The following SDK1 variants were observed in gnomAD, a reference collection of about 807,000 sequenced individuals.
SDK1 encodes the protein sidekick cell adhesion molecule 1.
Under a neutral mutation model 245.5 loss-of-function variants are expected in SDK1, and 157 were observed. The ratio of observed to expected loss-of-function variants is 0.64; its 90% CI spans 0.56 to 0.73. The LOEUF (loss-of-function observed/expected upper bound fraction) is 0.73. Among genes scored for constraint, SDK1 ranks in the 30% least tolerant of loss-of-function variants. The pLI, the probability that SDK1 is intolerant of heterozygous loss-of-function variation, is 0.00. For synonymous variants in SDK1, 1,647 were observed against 1,278.5 expected (o/e 1.29, Z -6.15); for missense variants, 3,583 against 3,002.3 (o/e 1.19, Z -4.52).
At chr7:4,245,901 T>C in intron 44 of SDK1, 96 bp downstream of exon 44, 1 of 1,444,910 alleles carries the variant, frequency 6.9e-7, no homozygotes, top group Non-Finnish European at 9.6e-7. Flanking sequence ...TATTTGAGTC[T>C]CATAACATCC....
At chr7:3,764,730 T>A (rs1002481051) in intron 4 of SDK1, among the ~76,000 whole-genome samples, 1 of 151,746 alleles carries the variant, frequency 6.6e-6, no homozygotes, top group African/African-American at 2.4e-5. Flanking sequence ...ACATACAATT[T>A]AAAAAAAATC....
chr7:3,820,864 T>A (rs1779626902), intron 4 of SDK1, among the ~76,000 whole-genome samples: 1 of 152,212 alleles, frequency 6.6e-6, no homozygotes, highest in Non-Finnish European at 1.5e-5. Context: ...TCCTTTGCAC[T>A]TCTAAGACAT....
chr7:4,075,241 C>T (rs1049770745), intron 20 of SDK1, among the ~76,000 whole-genome samples: 5 of 152,264 alleles, frequency 3.3e-5, no homozygotes, highest in South Asian at 4.1e-4. Flanking sequence ...CCACTGCGTC[C>T]GCCCACACGG....
At chr7:4,139,581 G>A (rs370774981) in intron 28 of SDK1, among the ~76,000 whole-genome samples, 2,024 of 23,558 alleles carry the variant, frequency 0.086, 685 homozygotes, top group African/African-American at 0.25. Context: ...ATGTGTGTGT[G>A]TATGTGTGTG....
In SDK1 at chr7:4,125,191, A is replaced by G. The variant is rs199990835; in HGVS notation, c.3824-2190A>G. Among the ~76,000 whole-genome samples, 57 of 129,254 alleles carry G rather than the reference A, an allele frequency of 4.4e-4. No homozygotes were observed. The East Asian group carries it at 0.013, about 30-fold the overall frequency. The allele number at this position is 129,254 out of a possible 152,430, so 84.8% of individuals were successfully genotyped here. A position where few individuals can be genotyped will look rare whatever the true frequency, so the allele number is the denominator to read the frequency against. On this transcript the variant is annotated intron_variant, in intron 25 of 44. Transcript: ENST00000404826. ...GGGTGGATGGATGGATGGATGGGTG[A>G]TGGATGGATGGATGGATGGATGGGT...
chr7:3,365,641 T>G (rs1230561126), intron 1 of SDK1, among the ~76,000 whole-genome samples: 7 of 152,182 alleles, frequency 4.6e-5, no homozygotes, highest in African/African-American at 1.4e-4. Flanking sequence ...TGAATAAAAT[T>G]TAAGATTTCC....
chr7:3,652,205 C>T (rs1783033128), intron 4 of SDK1, among the ~76,000 whole-genome samples: 1 of 152,194 alleles, frequency 6.6e-6, no homozygotes, highest in Admixed American at 6.5e-5. Context: ...GCGCGTGTCT[C>T]TGAGGACACG....
At chr7:3,673,320 G>A (rs1425102676) in intron 4 of SDK1, among the ~76,000 whole-genome samples, 2 of 152,186 alleles carry the variant, frequency 1.3e-5, no homozygotes, top group Admixed American at 1.3e-4. Flanking sequence ...CGGAAAGATC[G>A]GAGAGCTAGA....
At chr7:3,461,907 A>C (rs1225438879) in intron 1 of SDK1, among the ~76,000 whole-genome samples, 1 of 152,058 alleles carries the variant, frequency 6.6e-6, no homozygotes, top group Non-Finnish European at 1.5e-5. Context: ...TTTCTTGAAT[A>C]CCCAACTTGT....
chr7:4,159,220 C>T (rs778954077), intron 31 of SDK1, among the ~76,000 whole-genome samples: 10 of 152,220 alleles, frequency 6.6e-5, no homozygotes, highest in East Asian at 1.9e-4. Context: ...TTCCATTTAA[C>T]GCTCCAGTGG....
intron 1 of SDK1, among the ~76,000 whole-genome samples, chr7:3,552,869 C>A (rs1025664076): frequency 6.6e-6 from 1 of 152,192 alleles, no homozygotes; most frequent in Non-Finnish European, 1.5e-5. Context: ...TGGGATCTTA[C>A]TGTTGCATAA....
intron 4 of SDK1, among the ~76,000 whole-genome samples, chr7:3,722,580 C>G (rs188955691): frequency 6.6e-6 from 1 of 152,150 alleles, no homozygotes; most frequent in Non-Finnish European, 1.5e-5. Context: ...CTTAGGGATG[C>G]ACTGTGTGTA....
rs1305333793 is a variant in SDK1 at position 4,074,896 on chromosome 7, A to C, written c.3011-2102A>C. ...TCTCTCTCTCTCTCTGTATATATAT[A>C]TATATATATATATATATATATTTTT... On this transcript the variant is annotated intron_variant, in intron 20 of 44. Transcript: ENST00000404826. 4.8e-3 allele frequency among the ~76,000 whole-genome samples: 329 copies of C among 67,970 alleles called. 7 individuals are homozygous for C. The highest frequency in any genetic ancestry group is 0.037 in the African/African-American group (285 of 7,808). The allele number at this position is 67,970 out of a possible 152,430, so 44.6% of individuals were successfully genotyped here.
At chr7:3,462,935 A>G (rs1189338015) in intron 1 of SDK1, among the ~76,000 whole-genome samples, 1 of 152,204 alleles carries the variant, frequency 6.6e-6, no homozygotes, top group Non-Finnish European at 1.5e-5. Flanking sequence ...CTGTAAGGAT[A>G]AAGACCACAG....
chr7:4,109,716 G>A (rs776712945), intron 22 of SDK1, among the ~76,000 whole-genome samples: 5 of 152,198 alleles, frequency 3.3e-5, no homozygotes, highest in Non-Finnish European at 5.9e-5. Context: ...CCTAGCTGGC[G>A]CAGCTTGTGT....
chr7:3,554,454 GA>G (rs1296562082), intron 1 of SDK1, among the ~76,000 whole-genome samples: 2 of 152,174 alleles, frequency 1.3e-5, no homozygotes, highest in South Asian at 4.1e-4. Context: ...TTCTGAGAGT[GA>G]AATTTATGGC....
At chr7:3,679,985 C>G (rs1437690448) in intron 4 of SDK1, among the ~76,000 whole-genome samples, 4 of 145,942 alleles carry the variant, frequency 2.7e-5, no homozygotes, top group African/African-American at 5.1e-5. Flanking sequence ...TTGTAATAGT[C>G]AAATTTTAGA....
chr7:3,507,851 G>A (rs971670269), intron 1 of SDK1, among the ~76,000 whole-genome samples: 5 of 152,120 alleles, frequency 3.3e-5, no homozygotes, highest in African/African-American at 9.7e-5. Context: ...ACCTGCTTCA[G>A]TGTTGCTTTC....
At chr7:4,165,175 A>G (rs556861564) in intron 32 of SDK1, among the ~76,000 whole-genome samples, 4 of 152,210 alleles carry the variant, frequency 2.6e-5, no homozygotes, top group Admixed American at 1.3e-4. Flanking sequence ...CCTGGCCAAC[A>G]TGGTGAAATT....
Sources: allele counts gnomAD v4.1 joint callset (sites outside exome capture counted in the v4.1 genomes callset), GRCh38; gene constraint gnomAD v4.1.1; transcripts MANE v1.5; gene names NCBI Gene and HGNC (gene_info 2026-07-23, HGNC 2026-07-21).